TCF3: variants seen among roughly 807,000 people sequenced by gnomAD.
TCF3 encodes the protein transcription factor 3, also known as transcription factor E2-alpha.
In TCF3, 54 loss-of-function variants were observed where a neutral mutation model predicts 72.3. The ratio of observed to expected loss-of-function variants is 0.75; its 90% CI spans 0.60 to 0.94. The LOEUF is 0.94. TCF3 is among the 40% of genes least tolerant of loss of function. The pLI is 0.00. For synonymous variants in TCF3, 525 were observed against 412.6 expected, an observed-to-expected ratio of 1.27 and a Z score of -3.30; for missense variants, 1,078 against 934.4, an observed-to-expected ratio of 1.15 and a Z score of -2.00.
chr19:1,650,526 TG>T, intron 1 of TCF3: 1 of 413,078 alleles, frequency 2.4e-6, no homozygotes, highest in Non-Finnish European at 4.3e-6. Context: ...GTCTGAAAAA[TG>T]GGGGGAGGGT....
At chr19:1,623,016 GA>G (rs1237787668) in intron 8 of TCF3, among the ~76,000 whole-genome samples, 5 of 152,194 alleles carry the variant, frequency 3.3e-5, no homozygotes, top group African/African-American at 9.7e-5. Flanking sequence ...TCAGGGCAGA[GA>G]AAGTGCACCC....
At chr19:1,620,690 A>C (rs1341102412) in intron 13 of TCF3, among the ~76,000 whole-genome samples, 2 of 152,078 alleles carry the variant, frequency 1.3e-5, no homozygotes, top group Admixed American at 1.3e-4. Context: ...ATAGCCTTGG[A>C]GGGCTGGCTT....
rs748648326 is a variant in TCF3 at position 1,619,248 on chromosome 19, G to GA, written c.1327-15dup. On this transcript the variant is annotated splice_polypyrimidine_tract_variant and intron_variant, in intron 15 of 18. Coordinates refer to ENST00000262965, the MANE Select transcript of TCF3 (RefSeq NM_003200.5). The stretch of plus-strand genomic sequence containing the variant: ...GCTGCCTCCAACCTGCAGGCGTGGG[G>GA]AGACGGGTGCATCAGGGGGAGCCGG... 29 of 1,585,598 alleles carry GA rather than the reference G, an allele frequency of 1.8e-5. No individual in the cohort carries two copies. Among genetic ancestry groups the GA allele is most frequent in the Middle Eastern group, 3.7e-4 (2 of 5,426 alleles).
chr19:1,615,111 A>T lies in TCF3; in HGVS notation c.1822+174T>A, dbSNP rs2061417488. On this transcript the variant is annotated intron_variant, in intron 18 of 18. Transcript: ENST00000262965. The surrounding 1 kb of genome is among the most constrained non-coding windows in gnomAD (Gnocchi z 7.3). ...GCAGGGAGAAGGGCTGGCAGTCAGG[A>T]GTGGACAGTCATGGCAATGCGGTCA... Among the ~76,000 whole-genome samples, 1 of 152,102 alleles carries T rather than the reference A, an allele frequency of 6.6e-6. No homozygotes were observed. Among genetic ancestry groups the T allele is most frequent in the South Asian group, 2.1e-4 (1 of 4,826 alleles).
In TCF3 at chr19:1,612,196, G is replaced by A. The variant is rs372065734; in HGVS notation, c.1823-347C>T. On this transcript the variant is annotated intron_variant, in intron 18 of 18. Coordinates refer to ENST00000262965, the MANE Select transcript of TCF3 (RefSeq NM_003200.5). Reference sequence around the variant, plus strand: ...AGAGGGTGCTGGGGCAGCCCTGGCCGGGGAGCCTACCTCGCACCTGCTGCT... The same window carrying A: ...AGAGGGTGCTGGGGCAGCCCTGGCCAGGGAGCCTACCTCGCACCTGCTGCT... The A allele has an allele frequency of 7.7e-5, 121 of 1,565,420 alleles. No individual in the cohort carries two copies. Among genetic ancestry groups the A allele is most frequent in the East Asian group, 3.1e-4 (14 of 44,446 alleles).
chr19:1,647,987 C>G (rs554529808), intron 2 of TCF3, among the ~76,000 whole-genome samples: 1 of 152,152 alleles, frequency 6.6e-6, no homozygotes, highest in African/African-American at 2.4e-5. Flanking sequence ...ACTCGCTCCC[C>G]CTTCATTCCT....
intron 3 of TCF3, among the ~76,000 whole-genome samples, chr19:1,636,286 C>T (rs376533767): frequency 5.9e-5 from 9 of 152,094 alleles, no homozygotes; most frequent in South Asian, 2.1e-4. Context: ...CAGCCTCCCA[C>T]GTAGCTGGGA....
intron 16 of TCF3, among the ~76,000 whole-genome samples, chr19:1,618,717 A>G (rs1221988579): frequency 6.6e-6 from 1 of 152,138 alleles, no homozygotes; most frequent in Admixed American, 6.5e-5. Flanking sequence ...CCATCTTCAA[A>G]GCCATACAAA....
At position 1,625,679 on chromosome 19, in the gene TCF3, G is replaced by C. The variant is rs1328590928; in HGVS notation, c.396C>G (p.Leu132=). Residue 132 remains leucine (L), a synonymous_variant, in exon 7 of 19, where the codon CTC becomes CTG. Coordinates refer to ENST00000262965, the MANE Select transcript of TCF3 (RefSeq NM_003200.5). ...AAGGGGACAGGGGCCCGGGGCTGTT[G>C]AGGGCCAGCTCGCCTGACAGGAAGC... ...QAGFLSGELA[L]NSPGPLSPSG... The C allele has an allele frequency of 2.0e-6, 3 of 1,523,486 alleles. No individual in the cohort carries two copies. Among genetic ancestry groups the C allele is most frequent in the African/African-American group, 2.9e-5 (2 of 69,378 alleles). The allele number at this position is 1,523,486 out of a possible 1,614,324, so 94.4% of individuals were successfully genotyped here.
At chr19:1,616,950 G>C (rs1278513670) in intron 16 of TCF3, among the ~76,000 whole-genome samples, 2 of 149,490 alleles carry the variant, frequency 1.3e-5, no homozygotes, top group African/African-American at 4.9e-5. Context: ...AGGACAAAAA[G>C]AAAGTAACTC....
At chr19:1,648,123 C>T (rs1489702193) in intron 2 of TCF3, among the ~76,000 whole-genome samples, 1 of 152,168 alleles carries the variant, frequency 6.6e-6, no homozygotes, top group Non-Finnish European at 1.5e-5. Context: ...CAAAGGCGCG[C>T]TGGGAACAGC....
At chr19:1,632,467 G>A (rs1343721166) in intron 3 of TCF3, 62 bp from the exon 4 acceptor site, 15 of 1,514,128 alleles carry the variant, frequency 9.9e-6, no homozygotes, top group South Asian at 4.8e-5. Context: ...TAAAAGCTTC[G>A]GTTCATCATC....
intron 3 of TCF3, among the ~76,000 whole-genome samples, chr19:1,634,567 C>T (rs2145052158): frequency 6.6e-6 from 1 of 152,338 alleles, no homozygotes; most frequent in South Asian, 2.1e-4. Flanking sequence ...AAAGATGCTG[C>T]TTCAGAGAGG....
intron 16 of TCF3, among the ~76,000 whole-genome samples, chr19:1,618,388 T>G (rs532164512): frequency 6.6e-6 from 1 of 152,232 alleles, no homozygotes; most frequent in African/African-American, 2.4e-5. Context: ...AGGGTATCTG[T>G]GAGCACCTGG....
At chr19:1,646,450 G>C (rs369287186) in intron 2 of TCF3, 23 bp from the exon 3 acceptor site, 4 of 1,546,558 alleles carry the variant, frequency 2.6e-6, no homozygotes, top group South Asian at 1.2e-5. Flanking sequence ...GAGGGGAGAC[G>C]TGAGCGGGGC....
At chr19:1,634,070 C>A (rs1034398056) in intron 3 of TCF3, among the ~76,000 whole-genome samples, 2 of 152,216 alleles carry the variant, frequency 1.3e-5, no homozygotes, top group African/African-American at 2.4e-5. Context: ...AGGGATCGCC[C>A]CCGAAGTTCA....
rs780652788 is a variant in TCF3, at chr19:1,619,399, T to C, written c.1243A>G (p.Met415Val). ...RSHAVGTAGD[M>V]HTLLPGHGAL... ...CCGTGGCCAGGCAGCAGCGTGTGCA[T>C]GTCGCCGGCTGTGCCCACGGCGTGG... Residue 415 changes from methionine to valine, a missense_variant, in exon 15 of 19, where the codon ATG becomes GTG. Coordinates refer to ENST00000262965, the MANE Select transcript of TCF3 (RefSeq NM_003200.5). The C allele has an allele frequency of 1.9e-6, 3 of 1,593,206 alleles. No individual in the cohort carries two copies. The highest frequency in any genetic ancestry group is 1.3e-5 in the African/African-American group (1 of 74,838).
At chr19:1,651,474 ACT>A (rs962159970) in intron 1 of TCF3, 11 of 224,296 alleles carry the variant, frequency 4.9e-5, no homozygotes, top group Non-Finnish European at 8.9e-5. Flanking sequence ...ACGAAACCGC[ACT>A]TTTTTGTGGG....
chr19:1,611,566 C>T lies in TCF3; in HGVS notation c.*141G>A. On this transcript the variant is annotated 3_prime_UTR_variant, in exon 19 of 19. Coordinates refer to ENST00000262965, the MANE Select transcript of TCF3 (RefSeq NM_003200.5). ...CTTGGCCGCCCCCATCACTCCGAACCTTGTCAGGTTGGTGTTGGCTCGATG... is the reference window on the plus strand; with the variant it reads ...CTTGGCCGCCCCCATCACTCCGAACTTTGTCAGGTTGGTGTTGGCTCGATG... 8.0e-7 allele frequency: 1 copy of T among 1,250,386 alleles called. No homozygotes were observed. The highest frequency in any genetic ancestry group is 1.1e-6 in the Non-Finnish European group (1 of 925,610). 77.5% of individuals were successfully genotyped at this position (1,250,386 alleles called of 1,614,324 possible).
Sources: gnomAD v4.1 joint callset for allele counts (sites outside exome capture counted in the v4.1 genomes callset) on GRCh38, gnomAD v4.1.1 for gene constraint, Gnocchi (gnomAD v3.1) non-coding constraint, MANE v1.5 for transcripts, NCBI Gene and HGNC (gene_info 2026-07-23, HGNC 2026-07-21) for gene names.